The following PRKAG1 variants were observed in gnomAD, a reference collection of about 807,000 sequenced individuals.
PRKAG1 encodes the protein 5'-AMP-activated protein kinase subunit gamma-1.
Under a neutral mutation model 48.2 loss-of-function variants are expected in PRKAG1, and 27 were observed. That is an observed-to-expected ratio of 0.56 (90% CI 0.41 to 0.77). The LOEUF (loss-of-function observed/expected upper bound fraction) is 0.77, where lower values mean the gene tolerates loss of function less well. PRKAG1 is among the 30% of genes least tolerant of loss of function. The pLI, the probability that PRKAG1 is intolerant of heterozygous loss-of-function variation, is 0.00. For synonymous variants in PRKAG1, 130 were observed against 147.7 expected (o/e 0.88, Z 0.87); for missense variants, 287 against 398.3 (o/e 0.72, Z 2.38).
intron 1 of PRKAG1, among the ~76,000 whole-genome samples, chr12:49,015,137 C>T (rs894534740): frequency 6.6e-6 from 1 of 152,106 alleles, no homozygotes; most frequent in Non-Finnish European, 1.5e-5. Context: ...GCTTGGCCTG[C>T]CATTTTGGCA....
intron 7 of PRKAG1, 145 bp downstream of exon 7, chr12:49,004,813 CTGTGTG>C (rs3832821): frequency 0.061 from 43,133 of 709,590 alleles, 446 homozygotes; most frequent in African/African-American, 0.11. Flanking sequence ...GAGAGAGAGA[CTGTGTG>C]TGTGTGTGTG....
At chr12:49,007,848 C>T (rs999539859) in intron 2 of PRKAG1, among the ~76,000 whole-genome samples, 24 of 151,500 alleles carry the variant, frequency 1.6e-4, no homozygotes, top group Admixed American at 1.4e-3. Flanking sequence ...TGGTTATATC[C>T]GTATTTCAAT....
chr12:49,005,973 C>T lies in PRKAG1; in HGVS notation c.59-121G>A, dbSNP rs1185249939. ...TTAGAGCATTATTTTTTAATAAGAC[C>T]CCTTATTTTATCTGTCTTGTTCCTA... On this transcript the variant is annotated intron_variant, in intron 2 of 11. Coordinates refer to ENST00000548065, the MANE Select transcript of PRKAG1 (RefSeq NM_002733.5). This position sits in a 1 kb window ranked among gnomAD's most constrained non-coding sequence, Gnocchi z 4.1. 2 of 727,158 alleles carry T rather than the reference C, an allele frequency of 2.8e-6. No homozygotes were observed. Among genetic ancestry groups the T allele is most frequent in the East Asian group, 2.8e-5 (1 of 36,064 alleles). 45.0% of individuals were successfully genotyped at this position (727,158 alleles called of 1,614,324 possible).
chr12:49,012,973 C>T, intron 2 of PRKAG1, 89 bp downstream of exon 2: 1 of 1,350,672 alleles, frequency 7.4e-7, no homozygotes, highest in Admixed American at 1.8e-5. Flanking sequence ...TTGATTTTTC[C>T]AGGGGAGAGA....
chr12:49,005,243 A>C lies in PRKAG1; in HGVS notation c.309+63T>G, dbSNP rs1941488946. ...CCTCGTGGCTTGCTTGGAGAAAAAG[A>C]AATGAGAATGAGGGATTTAGGGCAG... On this transcript the variant is annotated intron_variant, in intron 5 of 11. Coordinates refer to ENST00000548065, the MANE Select transcript of PRKAG1 (RefSeq NM_002733.5). This position sits in a 1 kb window ranked among gnomAD's most constrained non-coding sequence, Gnocchi z 4.1. 3.1e-6 allele frequency: 5 copies of C among 1,613,022 alleles called. No individual in the cohort carries two copies. The highest frequency in any genetic ancestry group is 4.2e-6 in the Non-Finnish European group (5 of 1,179,158).
Position 49,005,556 on chromosome 12 carries a change from CA to C in PRKAG1, c.169-14del. 6.2e-7 allele frequency: 1 copy of C among 1,613,988 alleles called. No homozygotes were observed. The highest frequency in any genetic ancestry group is 1.1e-5 in the South Asian group (1 of 90,976). On this transcript the variant is annotated splice_polypyrimidine_tract_variant and intron_variant, in intron 3 of 11. Coordinates refer to ENST00000548065, the MANE Select transcript of PRKAG1 (RefSeq NM_002733.5). This position sits in a 1 kb window ranked among gnomAD's most constrained non-coding sequence, Gnocchi z 4.1. ...AAGCTTTCTTCACCTGTAGCCAAGACAGTAATAATCATAAAGGCAAATCCAC... is the reference window on the plus strand; with the variant it reads ...AAGCTTTCTTCACCTGTAGCCAAGACGTAATAATCATAAAGGCAAATCCAC...
rs529646375 is a variant in PRKAG1, at chr12:49,003,928, G to A, written c.538-6C>T. On this transcript the variant is annotated splice_region_variant and splice_polypyrimidine_tract_variant and intron_variant, in intron 8 of 11. Coordinates refer to ENST00000548065, the MANE Select transcript of PRKAG1 (RefSeq NM_002733.5). ...GGCTTGGGGAACTCAGTGATCTGAGGAAAGAACCATCAGCTTAACTTTCAA... is the reference window on the plus strand; with the variant it reads ...GGCTTGGGGAACTCAGTGATCTGAGAAAAGAACCATCAGCTTAACTTTCAA... 2 of 1,586,008 alleles carry A rather than the reference G, an allele frequency of 1.3e-6. No homozygotes were observed. The highest frequency in any genetic ancestry group is 1.8e-5 in the Admixed American group (1 of 56,712).
Position 49,005,472 on chromosome 12 carries a change from T to C in PRKAG1, c.240A>G (p.Gln80=). 1.2e-6 allele frequency: 2 copies of C among 1,614,172 alleles called. No homozygotes were observed. The highest frequency in any genetic ancestry group is 8.5e-7 in the Non-Finnish European group (1 of 1,180,024). ...RAAPLWDSKK[Q]SFVGMLTITD... ...GAAACTTTTGCTTACCCACAAAACT[T>C]TGCTTCTTACTATCCCATAAAGGGG... The change falls in exon 4 of 12, where the codon CAA becomes CAG. Residue 80 remains glutamine (Q), a synonymous_variant. Transcript: ENST00000548065. This position sits in a 1 kb window ranked among gnomAD's most constrained non-coding sequence, Gnocchi z 4.1.
intron 7 of PRKAG1, 60 bp from the exon 8 acceptor site, chr12:49,004,693 G>A: frequency 1.2e-6 from 2 of 1,609,482 alleles, no homozygotes; most frequent in Non-Finnish European, 1.7e-6. Context: ...GATTAAACAG[G>A]TCCATACAGT....
chr12:49,013,614 C>T (rs532575538), intron 1 of PRKAG1, among the ~76,000 whole-genome samples: 1 of 152,204 alleles, frequency 6.6e-6, no homozygotes, highest in African/African-American at 2.4e-5. Flanking sequence ...CTATTATTAG[C>T]CTTATTTTCA....
At chr12:49,015,557 C>T (rs778490130) in intron 1 of PRKAG1, among the ~76,000 whole-genome samples, 1 of 152,246 alleles carries the variant, frequency 6.6e-6, no homozygotes, top group East Asian at 1.9e-4. Flanking sequence ...GAGAGTCAAA[C>T]ACAACTGCAT....
Position 49,004,767 on chromosome 12 carries a change from G to A in PRKAG1, c.411-134C>T, listed in dbSNP as rs961807905. 8 of 1,400,124 alleles carry A rather than the reference G, an allele frequency of 5.7e-6. No individual in the cohort carries two copies. In the African/African-American group the frequency reaches 8.6e-5, roughly 15 times the overall value. 86.7% of individuals were successfully genotyped at this position (1,400,124 alleles called of 1,614,324 possible). A position where few individuals can be genotyped will look rare whatever the true frequency, so the allele number is the denominator to read the frequency against. ...GGGCAGTGTACAGGCCAGACTTAAA[G>A]AGAAAGAGAGAGAGAGAGAGAGTGA... On this transcript the variant is annotated intron_variant, in intron 7 of 11. Coordinates refer to ENST00000548065, the MANE Select transcript of PRKAG1 (RefSeq NM_002733.5).
In PRKAG1 at chr12:49,004,095, GC is replaced by G; in HGVS notation, c.538-174del. Reference sequence around the variant, plus strand: ...GCTTGAGCCCAGGAGTTCGAGACCAGCCTGGGCAACATGGCAAAACCCTATC... The same window carrying G: ...GCTTGAGCCCAGGAGTTCGAGACCAGCTGGGCAACATGGCAAAACCCTATC... On this transcript the variant is annotated intron_variant, in intron 8 of 11. Transcript: ENST00000548065. 4 of 845,126 alleles carry G rather than the reference GC, an allele frequency of 4.7e-6. No individual in the cohort carries two copies. The South Asian group carries it at 8.2e-5, about 17-fold the overall frequency. The allele number at this position is 845,126 out of a possible 1,614,324, so 52.4% of individuals were successfully genotyped here.
chr12:49,003,252 T>C lies in PRKAG1; in HGVS notation c.780A>G (p.Val260=), dbSNP rs201576758. 45 of 1,614,050 alleles carry C rather than the reference T, an allele frequency of 2.8e-5. No individual in the cohort carries two copies. The highest frequency in any genetic ancestry group is 3.8e-5 in the Non-Finnish European group (45 of 1,180,030). ...AAEKTYNNLD[V]SVTKALQHRS... is the part of the protein sequence containing the mutation. ...GATGTTGCAAGGCTTTAGTCACAGA[T>C]ACATCTAGGTTGTTGTAGGTCTTTT... Residue 260 remains valine, a synonymous_variant, in exon 11 of 12, where the codon GTA becomes GTG. Transcript: ENST00000548065.
chr12:49,016,618 T>G (rs907055731), intron 1 of PRKAG1: 1 of 153,592 alleles, frequency 6.5e-6, no homozygotes, highest in African/African-American at 2.4e-5. Flanking sequence ...TCTGCAACGT[T>G]GTTTAAACTG....
chr12:49,015,595 CAG>C (rs951198168), intron 1 of PRKAG1, among the ~76,000 whole-genome samples: 2 of 152,052 alleles, frequency 1.3e-5, no homozygotes, highest in Admixed American at 6.5e-5. Flanking sequence ...GGCGGGTGGG[CAG>C]AGTCTCGCTG....
chr12:49,004,166 C>T (rs139774206), intron 8 of PRKAG1: 799 of 540,278 alleles, frequency 1.5e-3, no homozygotes, highest in Non-Finnish European at 2.2e-3. Context: ...GTGGTACACA[C>T]GTGTAGTCCC....
At chr12:49,003,629 C>G in intron 9 of PRKAG1, 34 bp from the exon 10 acceptor site, 1 of 1,613,138 alleles carries the variant, frequency 6.2e-7, no homozygotes. Flanking sequence ...TAAGGAGGAT[C>G]TGGGATCTAA....
chr12:49,017,280 A>T (rs1355113609), intron 1 of PRKAG1: 1 of 449,078 alleles, frequency 2.2e-6, no homozygotes, highest in African/African-American at 2.0e-5. Context: ...AGCTCACTCC[A>T]GCCTCCACCT....
Sources: allele counts gnomAD v4.1 joint callset (sites outside exome capture counted in the v4.1 genomes callset), GRCh38; gene constraint gnomAD v4.1.1; non-coding constraint Gnocchi (gnomAD v3.1); transcripts MANE v1.5; gene names NCBI Gene and HGNC (gene_info 2026-07-23, HGNC 2026-07-21).